The following FAM178B variants were observed in gnomAD, a reference collection of about 807,000 sequenced individuals.
FAM178B encodes family with sequence similarity 178 member B.
Under a neutral mutation model 91.7 loss-of-function variants are expected in FAM178B, and 82 were observed. That is an observed-to-expected ratio of 0.89 (90% CI 0.75 to 1.07). The LOEUF (loss-of-function observed/expected upper bound fraction) is 1.07. FAM178B is among the 50% of genes least tolerant of loss of function. FAM178B has a pLI of 0.00. For missense variants in FAM178B, 769 were observed against 846.7 expected, an observed-to-expected ratio of 0.91 and a Z score of 1.14; for synonymous variants, 368 against 359.4, an observed-to-expected ratio of 1.02 and a Z score of -0.27.
intron 7 of FAM178B, among the ~76,000 whole-genome samples, chr2:96,949,448 G>A (rs1018671788): frequency 2.6e-5 from 4 of 152,136 alleles, no homozygotes; most frequent in Non-Finnish European, 4.4e-5. Flanking sequence ...GGCCTTACTT[G>A]GCCATGGAAC....
intron 14 of FAM178B, among the ~76,000 whole-genome samples, chr2:96,879,498 A>G (rs1399346618): frequency 6.6e-6 from 1 of 152,274 alleles, no homozygotes; most frequent in Non-Finnish European, 1.5e-5. Context: ...GAGTCTCCTC[A>G]GGACAGAAGC....
rs1349828769 is a variant in FAM178B, at chr2:96,971,907, G to A, written c.558C>T (p.Ala186=). The A allele has an allele frequency of 5.4e-6, 8 of 1,492,950 alleles. No homozygotes were observed. Among genetic ancestry groups the A allele is most frequent in the Non-Finnish European group, 7.1e-6 (8 of 1,120,510 alleles). 92.5% of individuals were successfully genotyped at this position (1,492,950 alleles called of 1,614,324 possible). The change falls in exon 3 of 17, where the codon GCC becomes GCT. Residue 186 remains alanine, a synonymous_variant. Transcript: ENST00000490605. ...NTSGLSQQAA[A]PEFSWGGSGS... is the part of the protein sequence containing the mutation. ...AGGGTGGACACAGGCTCACCTCTGG[G>A]GCCGCAGCCTGCTGGCTCAGGCCTG...
In FAM178B at chr2:96,889,226, T is replaced by A. The variant is rs2080605342; in HGVS notation, c.1776+4700A>T. Among the ~76,000 whole-genome samples, 3 of 152,154 alleles carry A rather than the reference T, an allele frequency of 2.0e-5. No homozygotes were observed. In the South Asian group the frequency reaches 6.2e-4, roughly 31 times the overall value. On this transcript the variant is annotated intron_variant, in intron 14 of 16. Coordinates refer to ENST00000490605, the MANE Select transcript of FAM178B (RefSeq NM_001122646.3). ...GCTCTGGGACCATCCCCCTTTGTGG[T>A]CCTTAGTTTCTTTCCATACAATGGG...
chr2:96,889,708 A>G (rs998582740), intron 14 of FAM178B, among the ~76,000 whole-genome samples: 7 of 137,102 alleles, frequency 5.1e-5, no homozygotes, highest in Non-Finnish European at 1.1e-4. Context: ...AAATAAATAA[A>G]TAAATAAATA....
chr2:96,890,145 C>T (rs564680176), intron 14 of FAM178B, among the ~76,000 whole-genome samples: 109 of 152,116 alleles, frequency 7.2e-4, no homozygotes, highest in African/African-American at 2.1e-3. Flanking sequence ...CATGGTGGCA[C>T]GCGCCTGTAA....
In FAM178B at chr2:96,986,402, A is replaced by G. The variant is rs1424924399; in HGVS notation, c.-89T>C. On this transcript the variant is annotated 5_prime_UTR_variant, in exon 1 of 17. Coordinates refer to ENST00000490605, the MANE Select transcript of FAM178B (RefSeq NM_001122646.3). The stretch of plus-strand genomic sequence containing the variant: ...ACGGGGCCAGCTAGCCGGGAAAGGA[A>G]GCAGGAGCAGGCTCCCCAGGCGGCG... 12 of 1,454,688 alleles carry G rather than the reference A, an allele frequency of 8.2e-6. No individual in the cohort carries two copies. The highest frequency in any genetic ancestry group is 2.5e-4 in the Middle Eastern group (1 of 4,048). The allele number at this position is 1,454,688 out of a possible 1,614,324, so 90.1% of individuals were successfully genotyped here.
chr2:96,954,198 G>A (rs2081967492), intron 6 of FAM178B, among the ~76,000 whole-genome samples: 1 of 152,222 alleles, frequency 6.6e-6, no homozygotes, highest in Non-Finnish European at 1.5e-5. Context: ...TGAGTGGGAA[G>A]CCCCCAGCTG....
intron 8 of FAM178B, among the ~76,000 whole-genome samples, chr2:96,942,027 G>A (rs1438755109): frequency 2.6e-5 from 4 of 152,116 alleles, no homozygotes; most frequent in Non-Finnish European, 5.9e-5. Context: ...AAGTTCAGCA[G>A]GTTAATATAT....
chr2:96,976,188 A>C (rs1216912880), intron 1 of FAM178B, among the ~76,000 whole-genome samples: 2 of 151,030 alleles, frequency 1.3e-5, no homozygotes, highest in Non-Finnish European at 2.9e-5. Context: ...TCCTCCTCCC[A>C]GGTTCAAGCG....
At chr2:96,961,667 G>C (rs1006106048) in intron 5 of FAM178B, among the ~76,000 whole-genome samples, 1 of 152,184 alleles carries the variant, frequency 6.6e-6, no homozygotes, top group Non-Finnish European at 1.5e-5. Context: ...CAAACCCAGG[G>C]GCAGAACAGC....
intron 1 of FAM178B, among the ~76,000 whole-genome samples, chr2:96,974,035 T>C (rs1186581913): frequency 6.6e-6 from 1 of 150,980 alleles, no homozygotes; most frequent in East Asian, 1.9e-4. Context: ...ATAAATAAAT[T>C]TAAGATATGA....
At chr2:96,945,011 G>A (rs1483223779) in intron 8 of FAM178B, among the ~76,000 whole-genome samples, 2 of 151,988 alleles carry the variant, frequency 1.3e-5, no homozygotes, top group African/African-American at 2.4e-5. Context: ...TCTGATGGTC[G>A]CTGCTCATTT....
chr2:96,882,358 C>T (rs2080406783), intron 14 of FAM178B, among the ~76,000 whole-genome samples: 1 of 152,252 alleles, frequency 6.6e-6, no homozygotes, highest in Non-Finnish European at 1.5e-5. Context: ...TGATGCACTG[C>T]TGGCGGCTCC....
intron 14 of FAM178B, among the ~76,000 whole-genome samples, chr2:96,883,599 G>A (rs1249965787): frequency 6.6e-6 from 1 of 152,224 alleles, no homozygotes; most frequent in Non-Finnish European, 1.5e-5. Context: ...GCTAGGCTCT[G>A]GGGCAGCTAC....
rs747278382 is a variant in FAM178B at position 96,876,290 on chromosome 2, A to C, written c.2026T>G (p.Trp676Gly). 6 of 1,606,972 alleles carry C rather than the reference A, an allele frequency of 3.7e-6. No individual in the cohort carries two copies. Among genetic ancestry groups the C allele is most frequent in the Non-Finnish European group, 5.1e-6 (6 of 1,177,648 alleles). ...CQPQAQYFSP[W>G]KDI ...ACCCTGTCCCTTTAGATGTCTTTCC[A>C]GGGGCTGAAATACTGGGCCTGCGGC... The change falls in exon 17 of 17, where the codon TGG becomes GGG. Residue 676 changes from tryptophan to glycine, a missense_variant. By Grantham distance (184) the Trp-to-Gly change is radical (BLOSUM62 -2). Transcript: ENST00000490605.
intron 12 of FAM178B, among the ~76,000 whole-genome samples, chr2:96,914,783 G>A (rs372545741): frequency 3.7e-4 from 57 of 152,100 alleles, no homozygotes; most frequent in African/African-American, 1.3e-3. Flanking sequence ...CCAGCTACTC[G>A]GGAGGCTGAG....
intron 1 of FAM178B, chr2:96,977,809 C>A: frequency 1.1e-5 from 5 of 456,560 alleles, no homozygotes; most frequent in Non-Finnish European, 2.2e-5. Context: ...GTTTAGGACG[C>A]ATAATACCGG....
At chr2:96,907,789 A>G (rs2081083217) in intron 12 of FAM178B, among the ~76,000 whole-genome samples, 1 of 152,236 alleles carries the variant, frequency 6.6e-6, no homozygotes, top group Non-Finnish European at 1.5e-5. Context: ...TCGGGCAGTG[A>G]CATAGGCCAG....
chr2:96,960,066 T>A (rs1013120801), intron 6 of FAM178B, among the ~76,000 whole-genome samples: 8 of 152,248 alleles, frequency 5.3e-5, no homozygotes, highest in African/African-American at 1.9e-4. Context: ...CAACTGGCTA[T>A]CTGCTATAAT....
Sources: allele counts gnomAD v4.1 joint callset (sites outside exome capture counted in the v4.1 genomes callset), GRCh38; gene constraint gnomAD v4.1.1; transcripts MANE v1.5; gene names NCBI Gene and HGNC (gene_info 2026-07-23, HGNC 2026-07-21).